CPO: variants seen among roughly 807,000 people sequenced by gnomAD.
The protein encoded by CPO is metallocarboxypeptidase C.
CPO carries 43 observed loss-of-function variants against 41.2 expected under a neutral mutation model. That is an observed-to-expected ratio of 1.04 (90% CI 0.82 to 1.35). The LOEUF is 1.35. Among genes scored for constraint, CPO ranks in the 40% most tolerant of loss-of-function variants. CPO has a pLI of 0.00. For missense variants in CPO, 408 were observed against 451.7 expected, an observed-to-expected ratio of 0.90 and a Z score of 0.88; for synonymous variants, 178 against 162.7, an observed-to-expected ratio of 1.09 and a Z score of -0.72.
intron 1 of CPO, among the ~76,000 whole-genome samples, chr2:206,941,755 T>G (rs1693033371): frequency 6.6e-6 from 1 of 152,188 alleles, no homozygotes; most frequent in Admixed American, 6.6e-5. Flanking sequence ...CTTTATTCAC[T>G]ACATGTGATA....
At chr2:206,943,345 C>T (rs537236082) in intron 1 of CPO, among the ~76,000 whole-genome samples, 92 of 152,188 alleles carry the variant, frequency 6.0e-4, no homozygotes, top group African/African-American at 2.0e-3. Context: ...GAATGAGAGA[C>T]AGGGAGTGGG....
At chr2:206,947,719 C>G (rs1355052717) in intron 1 of CPO, among the ~76,000 whole-genome samples, 1 of 151,996 alleles carries the variant, frequency 6.6e-6, no homozygotes, top group Non-Finnish European at 1.5e-5. Flanking sequence ...AAAGGAATAA[C>G]TTGAATAAAA....
intron 2 of CPO, among the ~76,000 whole-genome samples, chr2:206,950,127 T>A (rs1468086323): frequency 6.6e-6 from 1 of 152,150 alleles, no homozygotes; most frequent in South Asian, 2.1e-4. Flanking sequence ...TATTGTAGGA[T>A]TTACAGGACA....
intron 1 of CPO, among the ~76,000 whole-genome samples, chr2:206,941,456 T>C (rs1247111893): frequency 6.6e-6 from 1 of 152,002 alleles, no homozygotes; most frequent in African/African-American, 2.4e-5. Flanking sequence ...TTTTCTCCCT[T>C]CCCTCAACTA....
intron 2 of CPO, 45 bp downstream of exon 2, chr2:206,949,758 A>G: frequency 2.4e-6 from 3 of 1,232,890 alleles, no homozygotes; most frequent in Non-Finnish European, 3.6e-6. Context: ...GTCACAACCT[A>G]CTTTAGGATG....
intron 3 of CPO, among the ~76,000 whole-genome samples, chr2:206,956,460 A>G (rs1277966099): frequency 1.3e-5 from 2 of 152,120 alleles, no homozygotes; most frequent in African/African-American, 4.8e-5. Context: ...CTTGTTACAA[A>G]TGCACACTCT....
intron 1 of CPO, among the ~76,000 whole-genome samples, chr2:206,945,964 ATT>A (rs1002493795): frequency 1.2e-4 from 17 of 142,202 alleles, no homozygotes; most frequent in African/African-American, 3.3e-4. Context: ...ATTTAAAAAA[ATT>A]TTTTTAAATT....
chr2:206,957,446 A>T (rs1693391085), intron 3 of CPO, among the ~76,000 whole-genome samples: 1 of 152,056 alleles, frequency 6.6e-6, no homozygotes, highest in Admixed American at 6.6e-5. Flanking sequence ...TGAAAAATAG[A>T]TGAGGCTAAA....
intron 7 of CPO, among the ~76,000 whole-genome samples, chr2:206,963,448 T>C (rs1244078960): frequency 6.6e-6 from 1 of 152,252 alleles, no homozygotes; most frequent in Admixed American, 6.5e-5. Flanking sequence ...AGCCAATCAC[T>C]GGAACTTCTT....
intron 7 of CPO, among the ~76,000 whole-genome samples, chr2:206,963,624 A>G (rs1351082336): frequency 6.6e-6 from 1 of 152,216 alleles, no homozygotes; most frequent in Non-Finnish European, 1.5e-5. Flanking sequence ...GGCTTTCACT[A>G]AGCATATTAT....
rs1693500405 is a variant in CPO at position 206,962,530 on chromosome 2, C to T, written c.693C>T (p.Cys231=). 1.2e-6 allele frequency: 2 copies of T among 1,614,028 alleles called. No homozygotes were observed. The highest frequency in any genetic ancestry group is 1.7e-6 in the Non-Finnish European group (2 of 1,179,988). ...FIESKKDDIL[C]FLTMHSYGQL... is the part of the protein sequence containing the mutation. ...AGAGCAAGAAGGATGATATTTTGTG[C>T]TTCCTGACCATGCACTCTTATGGGC... Residue 231 remains cysteine, a synonymous_variant, in exon 7 of 9, where the codon TGC becomes TGT. Coordinates refer to ENST00000272852, the MANE Select transcript of CPO (RefSeq NM_173077.3).
At chr2:206,941,648 T>G (rs1283071076) in intron 1 of CPO, among the ~76,000 whole-genome samples, 1 of 152,152 alleles carries the variant, frequency 6.6e-6, no homozygotes, top group Non-Finnish European at 1.5e-5. Context: ...TTATTGGCTG[T>G]TTTTATTTAA....
chr2:206,948,562 G>C (rs890615804), intron 1 of CPO, among the ~76,000 whole-genome samples: 1 of 152,152 alleles, frequency 6.6e-6, no homozygotes, highest in Non-Finnish European at 1.5e-5. Context: ...CCGGGAGTTT[G>C]AGAACAGCCT....
chr2:206,963,366 A>G (rs1693515665), intron 7 of CPO, among the ~76,000 whole-genome samples: 1 of 152,228 alleles, frequency 6.6e-6, no homozygotes, highest in South Asian at 2.1e-4. Flanking sequence ...TAAAATAAAC[A>G]TAAAATTTAC....
intron 1 of CPO, among the ~76,000 whole-genome samples, chr2:206,947,103 G>A (rs371608684): frequency 1.5e-4 from 23 of 152,158 alleles, no homozygotes; most frequent in South Asian, 8.3e-4. Flanking sequence ...GTGAAAGACC[G>A]AAAATATTCA....
At chr2:206,948,186 G>A (rs1312090503) in intron 1 of CPO, among the ~76,000 whole-genome samples, 1 of 152,198 alleles carries the variant, frequency 6.6e-6, no homozygotes, top group Non-Finnish European at 1.5e-5. Flanking sequence ...GTGTTCTTCA[G>A]TAGATGAGTA....
chr2:206,939,605 G>T lies in CPO; in HGVS notation c.6G>T (p.Lys2Asn), dbSNP rs1046282973. 6.2e-7 allele frequency: 1 copy of T among 1,610,940 alleles called. No homozygotes were observed. Among genetic ancestry groups the T allele is most frequent in the Non-Finnish European group, 8.5e-7 (1 of 1,177,670 alleles). ...CTAACTTACTGTGTGGCAGAATGAA[G>T]CCTCTGCTTGAAACCCTTTATCTTT... is the stretch of plus-strand genomic sequence containing the variant. M[K>N]PLLETLYLLG... The change falls in exon 1 of 9, where the codon AAG (lysine) becomes AAT (asparagine). Residue 2 changes from lysine (K) to asparagine (N), a missense_variant. Transcript: ENST00000272852.
chr2:206,943,151 T>C (rs1016772945), intron 1 of CPO, among the ~76,000 whole-genome samples: 58 of 152,152 alleles, frequency 3.8e-4, no homozygotes, highest in African/African-American at 1.4e-3. Context: ...AACCCCACTT[T>C]TTAGTGTACT....
chr2:206,954,369 G>A (rs570089798), intron 2 of CPO, among the ~76,000 whole-genome samples: 1 of 150,296 alleles, frequency 6.7e-6, no homozygotes, highest in South Asian at 2.1e-4. Context: ...CTCTAGGGCA[G>A]GGACAAAATG....
Sources: gnomAD v4.1 joint callset for allele counts (sites outside exome capture counted in the v4.1 genomes callset) on GRCh38, gnomAD v4.1.1 for gene constraint, MANE v1.5 for transcripts, NCBI Gene and HGNC (gene_info 2026-07-23, HGNC 2026-07-21) for gene names.